Variants in SH2D6 observed in about 807,000 individuals in gnomAD.
The protein encoded by SH2D6 is SH2 domain containing 6.
In SH2D6, 31 loss-of-function variants were observed where a neutral mutation model predicts 30.2. The ratio of observed to expected loss-of-function variants is 1.03; its 90% CI spans 0.77 to 1.38. The LOEUF is 1.38. Among genes scored for constraint, SH2D6 ranks in the 40% most tolerant of loss-of-function variants. The pLI is 0.00. For missense variants in SH2D6, 240 were observed against 266.8 expected, an observed-to-expected ratio of 0.90 and a Z score of 0.70; for synonymous variants, 93 against 104.6, an observed-to-expected ratio of 0.89 and a Z score of 0.68.
At position 85,431,192 on chromosome 2, in the gene SH2D6, A is replaced by G. The variant is rs1164375931; in HGVS notation, c.251-18A>G. 3 of 130,966 alleles carry G rather than the reference A, an allele frequency of 2.3e-5. No homozygotes were observed. The highest frequency in any genetic ancestry group is 7.5e-5 in the Admixed American group (1 of 13,344). 8.1% of individuals were successfully genotyped at this position (130,966 alleles called of 1,614,324 possible). A position where few individuals can be genotyped will look rare whatever the true frequency, so the allele number is the denominator to read the frequency against. ...TGGGAGGAACCCACCAACTCACAACAAATGCGATCTTTTCCAGATCACTCT... is the reference window on the plus strand; with the variant it reads ...TGGGAGGAACCCACCAACTCACAACGAATGCGATCTTTTCCAGATCACTCT... On this transcript the variant is annotated intron_variant, in intron 12 of 23. Coordinates refer to ENST00000469800, the MANE Select transcript of SH2D6 (RefSeq NM_001394463.1).
intron 2 of SH2D6, chr2:85,420,754 C>T (rs530317994): frequency 4.6e-5 from 7 of 152,400 alleles, no homozygotes; most frequent in African/African-American, 1.7e-4. Flanking sequence ...GGTGGTCCTC[C>T]AGGCCACGCC....
chr2:85,433,887 G>A, intron 16 of SH2D6, 146 bp from the exon 17 acceptor site: 2 of 772,798 alleles, frequency 2.6e-6, no homozygotes, highest in South Asian at 1.8e-5. Context: ...GGCCAGGACA[G>A]CATCTGCCTC....
intron 13 of SH2D6, among the ~76,000 whole-genome samples, 184 bp from the exon 14 acceptor site, chr2:85,431,715 G>A (rs891458125): frequency 6.6e-6 from 1 of 152,184 alleles, no homozygotes; most frequent in Non-Finnish European, 1.5e-5. Context: ...TAAAATTTTT[G>A]TAAAAAGCAG....
rs1430932291 is a variant in SH2D6 at position 85,434,323 on chromosome 2, C to T, written c.534-17C>T. ...CATAAAGACCCTGAGTTCTGTCCCC[C>T]GATTTGCTTCCCACAGGCCTACCAC... On this transcript the variant is annotated splice_polypyrimidine_tract_variant and intron_variant, in intron 17 of 23. Coordinates refer to ENST00000469800, the MANE Select transcript of SH2D6 (RefSeq NM_001394463.1). The T allele has an allele frequency of 3.2e-6, 5 of 1,541,678 alleles. No homozygotes were observed. The highest frequency in any genetic ancestry group is 1.2e-5 in the South Asian group (1 of 83,556).
At chr2:85,434,242 A>C in intron 17 of SH2D6, 98 bp from the exon 18 acceptor site, 1 of 1,511,380 alleles carries the variant, frequency 6.6e-7, no homozygotes, top group Admixed American at 2.1e-5. Flanking sequence ...GGTTGTTGGC[A>C]GTGGTGGCAG....
At chr2:85,435,238 C>A in intron 20 of SH2D6, 115 bp downstream of exon 20, 1 of 1,281,080 alleles carries the variant, frequency 7.8e-7, no homozygotes, top group Non-Finnish European at 1.1e-6. Flanking sequence ...ACACATTGAA[C>A]ACACGTGTGC....
intron 2 of SH2D6, chr2:85,420,870 A>C (rs1301566279): frequency 6.6e-6 from 1 of 152,350 alleles, no homozygotes; most frequent in African/African-American, 2.4e-5. Context: ...TTAGGTCCCC[A>C]CAGTGGCCCG....
chr2:85,432,394 G>A (rs180773782), intron 14 of SH2D6, among the ~76,000 whole-genome samples: 4 of 150,034 alleles, frequency 2.7e-5, no homozygotes, highest in African/African-American at 9.8e-5. Flanking sequence ...TATTTTTTTT[G>A]TTTTGTTTTG....
intron 5 of SH2D6, among the ~76,000 whole-genome samples, chr2:85,424,058 CT>C (rs1383875095): frequency 6.6e-6 from 1 of 152,240 alleles, no homozygotes; most frequent in African/African-American, 2.4e-5. Context: ...TGGTCTTGAG[CT>C]TCTGAGCTCC....
In SH2D6 at chr2:85,433,572, T is replaced by C. The variant is rs1689022846; in HGVS notation, c.395T>C (p.Val132Ala). ...RREQGASSRV[V>A]PGPPKKPDED... Reference sequence around the variant, plus strand: ...CTCACACACCCCTCCCTACCTTAGGTGCCAGGCCCTCCAAAGAAACCTGAT... The same window carrying C: ...CTCACACACCCCTCCCTACCTTAGGCGCCAGGCCCTCCAAAGAAACCTGAT... The change falls in exon 16 of 24, where the codon GTG (valine) becomes GCG (alanine). Residue 132 changes from valine to alanine, a missense_variant and splice_region_variant. Coordinates refer to ENST00000469800, the MANE Select transcript of SH2D6 (RefSeq NM_001394463.1). 2 of 998,864 alleles carry C rather than the reference T, an allele frequency of 2.0e-6. No individual in the cohort carries two copies. Among genetic ancestry groups the C allele is most frequent in the African/African-American group, 3.5e-5 (2 of 57,422 alleles). The allele number at this position is 998,864 out of a possible 1,614,324, so 61.9% of individuals were successfully genotyped here. A position where few individuals can be genotyped will look rare whatever the true frequency, so the allele number is the denominator to read the frequency against.
At chr2:85,419,398 G>A (rs1314008122) in intron 2 of SH2D6, among the ~76,000 whole-genome samples, 154 bp downstream of exon 2, 1 of 152,224 alleles carries the variant, frequency 6.6e-6, no homozygotes, top group Non-Finnish European at 1.5e-5. Flanking sequence ...CGCTACAGAA[G>A]GGACTTACCC....
intron 6 of SH2D6, among the ~76,000 whole-genome samples, chr2:85,428,283 T>G (rs1285692447): frequency 6.6e-6 from 1 of 152,316 alleles, no homozygotes; most frequent in South Asian, 2.1e-4. Context: ...TACAGGTTGC[T>G]TAGCCTTTAG....
rs1024619634 is a variant in SH2D6, at chr2:85,433,083, C to T, written c.371-16C>T. ...CCTGCCGTGCATGACAGGTGGTTCT[C>T]TCCTTTTCCTTTCAGAGCAGGGTGC... is the stretch of plus-strand genomic sequence containing the variant. On this transcript the variant is annotated splice_polypyrimidine_tract_variant and intron_variant, in intron 14 of 23. Transcript: ENST00000469800. 6 of 985,944 alleles carry T rather than the reference C, an allele frequency of 6.1e-6. No homozygotes were observed. The highest frequency in any genetic ancestry group is 1.0e-3 in the Middle Eastern group (2 of 1,914). 61.1% of individuals were successfully genotyped at this position (985,944 alleles called of 1,614,324 possible). A position where few individuals can be genotyped will look rare whatever the true frequency, so the allele number is the denominator to read the frequency against.
At chr2:85,420,342 A>T (rs1182365309) in intron 2 of SH2D6, among the ~76,000 whole-genome samples, 1 of 151,878 alleles carries the variant, frequency 6.6e-6, no homozygotes, top group Non-Finnish European at 1.5e-5. Flanking sequence ...CTGGTCTCGA[A>T]CTCCTGACCT....
At position 85,435,464 on chromosome 2, in the gene SH2D6, G is replaced by A; in HGVS notation, c.700G>A (p.Ala234Thr). Reference protein sequence around the residue: ...PWYSGNCDRYAVESALLHLQK... With the variant: ...PWYSGNCDRYTVESALLHLQK... Reference sequence around the variant, plus strand: ...GTACTCGGGGAACTGTGACCGCTATGCTGTTGAGAGTGCCCTGCTCCACTT... The same window carrying A: ...GTACTCGGGGAACTGTGACCGCTATACTGTTGAGAGTGCCCTGCTCCACTT... Residue 234 changes from alanine (A) to threonine (T), a missense_variant, in exon 21 of 24, where the codon GCT becomes ACT. By Grantham distance (58) the Ala-to-Thr change is moderately conservative. Transcript: ENST00000469800. The A allele has an allele frequency of 6.2e-7, 1 of 1,613,920 alleles. No homozygotes were observed. The highest frequency in any genetic ancestry group is 8.5e-7 in the Non-Finnish European group (1 of 1,180,018).
chr2:85,435,131 G>A lies in SH2D6; in HGVS notation c.648+8G>A. 6.2e-7 allele frequency: 1 copy of A among 1,610,584 alleles called. No homozygotes were observed. ...AGTGCCTCAGCTGCTGAGGTGAGGA[G>A]GGGCTGGGAGCAGGCTGTAGGGAGA... is the stretch of plus-strand genomic sequence containing the variant. On this transcript the variant is annotated splice_region_variant and intron_variant, in intron 20 of 23. Coordinates refer to ENST00000469800, the MANE Select transcript of SH2D6 (RefSeq NM_001394463.1).
chr2:85,432,496 G>A (rs1237196001), intron 14 of SH2D6, among the ~76,000 whole-genome samples: 3 of 151,694 alleles, frequency 2.0e-5, no homozygotes, highest in South Asian at 4.2e-4. Flanking sequence ...GCCCCCTGGG[G>A]TTCACGCCAT....
intron 18 of SH2D6, 21 bp from the exon 19 acceptor site, chr2:85,434,452 A>G (rs762269015): frequency 6.4e-7 from 1 of 1,550,412 alleles, no homozygotes; most frequent in East Asian, 2.4e-5. Context: ...GCCTCTTCTG[A>G]TCAGACCTCC....
intron 5 of SH2D6, 51 bp from the exon 6 acceptor site, chr2:85,425,257 C>CTTTTTTTTTTTT (rs56321596): frequency 2.1e-5 from 2 of 96,158 alleles, no homozygotes; most frequent in African/African-American, 8.5e-5. Context: ...TTCTTTCTTT[C>CTTTTTTTTTTTT]TTTTTTTTTT....
Sources: allele counts gnomAD v4.1 joint callset (sites outside exome capture counted in the v4.1 genomes callset), GRCh38; gene constraint gnomAD v4.1.1; transcripts MANE v1.5; gene names NCBI Gene and HGNC (gene_info 2026-07-23, HGNC 2026-07-21).